The following CLNK variants were observed in gnomAD, a reference collection of about 807,000 sequenced individuals.
CLNK encodes cytokine dependent hematopoietic cell linker.
CLNK carries 74 observed loss-of-function variants against 68.6 expected under a neutral mutation model. The observed-to-expected ratio is 1.08, with a 90% CI of 0.89 to 1.31. The LOEUF (loss-of-function observed/expected upper bound fraction) is 1.31. Ranked by LOEUF, CLNK falls within the 50% of genes most tolerant of loss-of-function variation. CLNK has a pLI of 0.00. For synonymous variants in CLNK, 198 were observed against 172.2 expected (o/e 1.15, Z -1.17); for missense variants, 553 against 515.3 (o/e 1.07, Z -0.71).
chr4:10,539,762 A>C (rs1238897350), intron 11 of CLNK, among the ~76,000 whole-genome samples: 1 of 152,206 alleles, frequency 6.6e-6, no homozygotes, highest in Non-Finnish European at 1.5e-5. Flanking sequence ...TTTTTGACAA[A>C]AGAGTTTTCA....
At chr4:10,714,803 C>G in the CLNK span, among the ~76,000 whole-genome samples, 2 of 151,720 alleles carry the variant, frequency 1.3e-5, no homozygotes, top group Non-Finnish European at 2.9e-5. Flanking sequence ...TAACAAAATC[C>G]TGATTTCATT....
intron 3 of CLNK, among the ~76,000 whole-genome samples, chr4:10,588,655 T>C (rs181351969): frequency 6.6e-6 from 1 of 152,354 alleles, no homozygotes; most frequent in East Asian, 1.9e-4. Context: ...TATTTACTTT[T>C]TTAACTTACA....
chr4:10,699,122 A>C, the CLNK span, among the ~76,000 whole-genome samples: 1 of 150,508 alleles, frequency 6.6e-6, no homozygotes, highest in African/African-American at 2.4e-5. Context: ...TGCTGATGGC[A>C]GATCCTAGAA....
chr4:10,633,687 C>G lies in CLNK; in HGVS notation c.11+34172G>C, dbSNP rs957058749. On this transcript the variant is annotated intron_variant, in intron 2 of 18. Coordinates refer to ENST00000226951, the MANE Select transcript of CLNK (RefSeq NM_052964.4). ...TCACTCATTTATAACTGCTCCATACCATTCCAAACAGTACAAATGTAATTT... is the reference window on the plus strand; with the variant it reads ...TCACTCATTTATAACTGCTCCATACGATTCCAAACAGTACAAATGTAATTT... Among the ~76,000 whole-genome samples the G allele has an allele frequency of 2.0e-5, 3 of 152,200 alleles. 1 individual carries two copies. The highest frequency in any genetic ancestry group is 2.0e-4 in the Admixed American group (3 of 15,278).
At position 10,651,546 on chromosome 4, in the gene CLNK, A is replaced by G. The variant is rs530034418; in HGVS notation, c.11+16313T>C. 7.9e-5 allele frequency among the ~76,000 whole-genome samples: 12 copies of G among 152,262 alleles called. No individual in the cohort carries two copies. In the East Asian group the frequency reaches 2.3e-3, roughly 29 times the overall value. On this transcript the variant is annotated intron_variant, in intron 2 of 18. Transcript: ENST00000226951. The stretch of plus-strand genomic sequence containing the variant: ...GGGAACATCACACACTGGGGCCTGA[A>G]TTTATGATTTCCTTTGCCAGTTTAT...
the CLNK span, among the ~76,000 whole-genome samples, chr4:10,709,594 T>A: frequency 6.6e-6 from 1 of 152,170 alleles, no homozygotes; most frequent in Non-Finnish European, 1.5e-5. Context: ...TAATATGATA[T>A]CCTAGATCTT....
At chr4:10,691,222 T>A in the CLNK span, among the ~76,000 whole-genome samples, 392 of 152,292 alleles carry the variant, frequency 2.6e-3, 2 homozygotes, top group African/African-American at 9.0e-3. Flanking sequence ...GGGGTATACA[T>A]AATATGTATA....
At chr4:10,492,565 C>G (rs979829887) in intron 18 of CLNK, among the ~76,000 whole-genome samples, 9 of 152,314 alleles carry the variant, frequency 5.9e-5, no homozygotes, top group African/African-American at 1.4e-4. Flanking sequence ...GGCTTAAGAA[C>G]TTCACCAGGT....
At chr4:10,588,039 C>A (rs979449215) in intron 3 of CLNK, among the ~76,000 whole-genome samples, 2 of 152,168 alleles carry the variant, frequency 1.3e-5, no homozygotes, top group African/African-American at 4.8e-5. Context: ...TCTCTGATGT[C>A]TTGGTCTTTG....
intron 4 of CLNK, among the ~76,000 whole-genome samples, chr4:10,574,007 T>A (rs543315858): frequency 6.6e-6 from 1 of 152,344 alleles, no homozygotes; most frequent in Admixed American, 6.5e-5. Context: ...CCATGACATT[T>A]AAATACGAAT....
chr4:10,676,728 G>C (rs1364430757), intron 1 of CLNK, among the ~76,000 whole-genome samples: 1 of 151,790 alleles, frequency 6.6e-6, no homozygotes, highest in African/African-American at 2.4e-5. Flanking sequence ...ATTCCACTTT[G>C]TGGTGAATAG....
At chr4:10,501,478 A>G in intron 17 of CLNK, 67 bp from the exon 18 acceptor site, 1 of 1,488,548 alleles carries the variant, frequency 6.7e-7, no homozygotes, top group Admixed American at 2.2e-5. Flanking sequence ...AATGGTGGCA[A>G]CAATGATGTC....
At chr4:10,495,796 G>A (rs1367907988) in intron 18 of CLNK, among the ~76,000 whole-genome samples, 1 of 149,284 alleles carries the variant, frequency 6.7e-6, no homozygotes, top group Non-Finnish European at 1.5e-5. Context: ...ACCATAGAGA[G>A]AGCGATGAGG....
intron 2 of CLNK, among the ~76,000 whole-genome samples, chr4:10,609,284 T>C (rs1418291392): frequency 2.0e-5 from 3 of 152,236 alleles, no homozygotes; most frequent in Non-Finnish European, 4.4e-5. Context: ...CCCTTGGTAC[T>C]CAGCTCTAAC....
chr4:10,637,719 C>T lies in CLNK; in HGVS notation c.11+30140G>A, dbSNP rs866517207. Among the ~76,000 whole-genome samples the T allele has an allele frequency of 3.1e-4, 47 of 151,066 alleles. No individual in the cohort carries two copies. In the Middle Eastern group the frequency reaches 0.01, roughly 33 times the overall value. On this transcript the variant is annotated intron_variant, in intron 2 of 18. Coordinates refer to ENST00000226951, the MANE Select transcript of CLNK (RefSeq NM_052964.4). ...ATGCCATTCTCCTGCCTCAGCCTCC[C>T]GAGTAGCTGGGACTACAGGTGCCCG...
chr4:10,597,925 C>T, intron 3 of CLNK, 53 bp downstream of exon 3: 1 of 1,243,190 alleles, frequency 8.0e-7, no homozygotes, highest in South Asian at 1.3e-5. Context: ...AGCTTATTTG[C>T]TACAGAATTA....
At chr4:10,723,050 A>C in the CLNK span, among the ~76,000 whole-genome samples, 1 of 152,136 alleles carries the variant, frequency 6.6e-6, no homozygotes. Flanking sequence ...TATTAAAAAA[A>C]AAAACAACCC....
At chr4:10,605,461 A>C (rs762994660) in intron 2 of CLNK, among the ~76,000 whole-genome samples, 3 of 152,194 alleles carry the variant, frequency 2.0e-5, no homozygotes, top group Non-Finnish European at 4.4e-5. Context: ...ATTGTAACAC[A>C]ATGGTACTTG....
At position 10,635,375 on chromosome 4, in the gene CLNK, T is replaced by G. The variant is rs114400381; in HGVS notation, c.11+32484A>C. 4.7e-3 allele frequency among the ~76,000 whole-genome samples: 715 copies of G among 152,276 alleles called. 10 individuals are homozygous for G. The highest frequency in any genetic ancestry group is 0.016 in the African/African-American group (675 of 41,556). On this transcript the variant is annotated intron_variant, in intron 2 of 18. Transcript: ENST00000226951. ...TTGCCCCGTTTCCTACGGCAGAGACTGATCGACCCTGTCCACCTCTGACAC... is the reference window on the plus strand; with the variant it reads ...TTGCCCCGTTTCCTACGGCAGAGACGGATCGACCCTGTCCACCTCTGACAC...
Sources: gnomAD v4.1 joint callset for allele counts (sites outside exome capture counted in the v4.1 genomes callset) on GRCh38, gnomAD v4.1.1 for gene constraint, MANE v1.5 for transcripts, NCBI Gene and HGNC (gene_info 2026-07-23, HGNC 2026-07-21) for gene names.